The following GRID2 variants were observed in gnomAD, a reference collection of about 807,000 sequenced individuals.
The protein encoded by GRID2 is glutamate receptor ionotropic, delta-2.
GRID2 carries 33 observed loss-of-function variants against 114.8 expected under a neutral mutation model. The observed-to-expected ratio is 0.29, with a 90% CI of 0.22 to 0.38. The LOEUF (loss-of-function observed/expected upper bound fraction) is 0.38, where lower values mean the gene tolerates loss of function less well. Ranked by LOEUF, GRID2 falls within the 10% of genes least tolerant of loss-of-function variation. GRID2 has a pLI of 1.00. For missense variants in GRID2, 1,184 were observed against 1,257.7 expected (o/e 0.94, Z 0.89); for synonymous variants, 505 against 449.9 (o/e 1.12, Z -1.55).
At chr4:92,658,485 G>T (rs1296894467) in intron 2 of GRID2, among the ~76,000 whole-genome samples, 1 of 151,690 alleles carries the variant, frequency 6.6e-6, no homozygotes, top group Non-Finnish European at 1.5e-5. Flanking sequence ...AGCCCCATTA[G>T]GTCTGGCCCA....
intron 8 of GRID2, among the ~76,000 whole-genome samples, chr4:93,321,997 A>C (rs1405133772): frequency 6.6e-6 from 1 of 151,726 alleles, no homozygotes; most frequent in Non-Finnish European, 1.5e-5. Context: ...TTAATTAAAC[A>C]ATCTTTCTTC....
At position 93,256,265 on chromosome 4, in the gene GRID2, A is replaced by G. The variant is rs369438808; in HGVS notation, c.1245+17775A>G. Among the ~76,000 whole-genome samples the G allele has an allele frequency of 1.2e-4, 18 of 151,924 alleles. No individual in the cohort carries two copies. In the East Asian group the frequency reaches 3.1e-3, roughly 26 times the overall value. On this transcript the variant is annotated intron_variant, in intron 8 of 15. Coordinates refer to ENST00000282020, the MANE Select transcript of GRID2 (RefSeq NM_001510.4). ...TTAACTTACTGAGGACTTCATATTCAGTTTTATCTTATTGTTGCTAACAGA... is the reference window on the plus strand; with the variant it reads ...TTAACTTACTGAGGACTTCATATTCGGTTTTATCTTATTGTTGCTAACAGA...
rs1327478634 is a variant in GRID2 at position 93,803,732 on chromosome 4, AC to A, written c.222-2982del. On this transcript the variant is annotated intron_variant, in intron 1 of 1. Coordinates refer to the GRID2 transcript ENST00000637838. Reference sequence around the variant, plus strand: ...GTGAGACTTCGTCTCAAAAAAAAAAACAAAAAACACCTTTTTCAAATATACT... The same window carrying A: ...GTGAGACTTCGTCTCAAAAAAAAAAAAAAAAACACCTTTTTCAAATATACT... Among the ~76,000 whole-genome samples, 26 of 152,190 alleles carry A rather than the reference AC, an allele frequency of 1.7e-4. No individual in the cohort carries two copies. The East Asian group carries it at 4.6e-3, about 27-fold the overall frequency.
intron 4 of GRID2, among the ~76,000 whole-genome samples, chr4:93,129,971 C>G (rs990848923): frequency 6.6e-6 from 1 of 152,194 alleles, no homozygotes; most frequent in East Asian, 1.9e-4. Flanking sequence ...TGATTAAGCT[C>G]TTTAAGCAAA....
At chr4:93,178,126 C>T (rs993986267) in intron 4 of GRID2, among the ~76,000 whole-genome samples, 1 of 150,854 alleles carries the variant, frequency 6.6e-6, no homozygotes, top group Non-Finnish European at 1.5e-5. Flanking sequence ...TAAAGCTGTG[C>T]TCTTCCATGG....
chr4:93,787,482 T>C (rs994925495), intron 1 of GRID2, among the ~76,000 whole-genome samples: 4 of 152,156 alleles, frequency 2.6e-5, no homozygotes, highest in Non-Finnish European at 5.9e-5. Context: ...AAATTCAGGA[T>C]ATGAGGTCCA....
At chr4:92,689,704 C>T (rs552574656) in intron 2 of GRID2, among the ~76,000 whole-genome samples, 3 of 152,334 alleles carry the variant, frequency 2.0e-5, no homozygotes, top group Non-Finnish European at 4.4e-5. Flanking sequence ...TCCAGGAAAC[C>T]AGTCCCTGGT....
intron 2 of GRID2, among the ~76,000 whole-genome samples, chr4:92,890,575 G>A (rs969776160): frequency 3.9e-5 from 6 of 152,164 alleles, no homozygotes; most frequent in South Asian, 2.1e-4. Flanking sequence ...GCCATCACAC[G>A]CCAGTTAGAA....
rs577565397 is a variant in GRID2, at chr4:92,736,466, G to A, written c.244+146180G>A. 6.6e-5 allele frequency among the ~76,000 whole-genome samples: 10 copies of A among 152,100 alleles called. No homozygotes were observed. The East Asian group carries it at 9.6e-4, about 15-fold the overall frequency. On this transcript the variant is annotated intron_variant, in intron 2 of 15. Transcript: ENST00000282020. ...ATAGCACAGTAGCAGTAGGAAAATC[G>A]TACAGTTCTAAAAAAGATAAAGAGC...
intron 2 of GRID2, among the ~76,000 whole-genome samples, chr4:92,619,101 A>G (rs971454042): frequency 5.3e-5 from 8 of 151,572 alleles, no homozygotes; most frequent in African/African-American, 1.2e-4. Flanking sequence ...TTGAGTCACT[A>G]TAGCTTAATG....
At chr4:93,776,569 A>G (rs1437718760), downstream of GRID2, among the ~76,000 whole-genome samples, 1 of 152,212 alleles carries the variant, frequency 6.6e-6, no homozygotes, top group Admixed American at 6.5e-5. Flanking sequence ...CTCCATATCA[A>G]CATGCAGGAT....
At chr4:92,772,328 G>C (rs1281386926) in intron 2 of GRID2, among the ~76,000 whole-genome samples, 1 of 152,056 alleles carries the variant, frequency 6.6e-6, no homozygotes, top group African/African-American at 2.4e-5. Context: ...CATATGTAAT[G>C]TTCTTTTTCA....
At position 93,118,190 on chromosome 4, in the gene GRID2, G is replaced by A. The variant is rs997875077; in HGVS notation, c.735+7237G>A. Reference sequence around the variant, plus strand: ...ATATCATTGCTACCTCTGATCAAGCGTCACTGCTTCATTTTTATTTTTCAG... The same window carrying A: ...ATATCATTGCTACCTCTGATCAAGCATCACTGCTTCATTTTTATTTTTCAG... On this transcript the variant is annotated intron_variant, in intron 4 of 15. Coordinates refer to ENST00000282020, the MANE Select transcript of GRID2 (RefSeq NM_001510.4). 5.3e-5 allele frequency among the ~76,000 whole-genome samples: 8 copies of A among 152,188 alleles called. 1 individual carries two copies. In the South Asian group the frequency reaches 8.3e-4, roughly 16 times the overall value.
intron 2 of GRID2, among the ~76,000 whole-genome samples, chr4:92,999,778 G>A (rs1755424163): frequency 6.6e-6 from 1 of 151,410 alleles, no homozygotes; most frequent in African/African-American, 2.4e-5. Context: ...CTGGGATTAA[G>A]AGCATAAATT....
intron 2 of GRID2, among the ~76,000 whole-genome samples, chr4:92,646,885 A>AT (rs1731660744): frequency 2.0e-5 from 3 of 151,298 alleles, no homozygotes; most frequent in African/African-American, 7.3e-5. Flanking sequence ...CAGTCTTTGA[A>AT]TTCTTTTTTT....
chr4:92,502,026 A>G (rs1310334548), intron 1 of GRID2, among the ~76,000 whole-genome samples: 1 of 152,168 alleles, frequency 6.6e-6, no homozygotes, highest in Non-Finnish European at 1.5e-5. Flanking sequence ...TAAGCAGAGT[A>G]GCTTAACTAA....
At chr4:93,259,186 T>C (rs1749963932) in intron 8 of GRID2, among the ~76,000 whole-genome samples, 1 of 151,820 alleles carries the variant, frequency 6.6e-6, no homozygotes. Flanking sequence ...GACAAGTACC[T>C]AGGAGACAAG....
chr4:92,976,458 A>T (rs913822876), intron 2 of GRID2, among the ~76,000 whole-genome samples: 2 of 152,118 alleles, frequency 1.3e-5, no homozygotes, highest in African/African-American at 4.8e-5. Context: ...TGTGTTCTAT[A>T]ACAATATTAT....
rs921462720 is a variant in GRID2, at chr4:93,679,296, C to A, written c.2360+52861C>A. On this transcript the variant is annotated intron_variant, in intron 14 of 15. Transcript: ENST00000282020. ...CGTAAAGCAAGTCCTTAGTGACCTA[C>A]AAAGAGACTTAGACTCCCACCCAAT... Among the ~76,000 whole-genome samples the A allele has an allele frequency of 1.3e-4, 20 of 151,004 alleles. 1 individual carries two copies. The highest frequency in any genetic ancestry group is 4.7e-4 in the African/African-American group (19 of 40,626).
Sources: allele counts gnomAD v4.1 joint callset (sites outside exome capture counted in the v4.1 genomes callset), GRCh38; gene constraint gnomAD v4.1.1; transcripts MANE v1.5; gene names NCBI Gene and HGNC (gene_info 2026-07-23, HGNC 2026-07-21).